CACUL1: variants seen among roughly 807,000 people sequenced by gnomAD.
CACUL1 encodes the protein CDK2 associated cullin domain 1, also known as CDK2-associated and cullin domain-containing protein 1.
Under a neutral mutation model 45.2 loss-of-function variants are expected in CACUL1, and 13 were observed. The ratio of observed to expected loss-of-function variants is 0.29; its 90% confidence interval spans 0.19 to 0.46. The LOEUF (loss-of-function observed/expected upper bound fraction) is 0.46. Among genes scored for constraint, CACUL1 ranks in the 20% least tolerant of loss-of-function variants. The pLI is 1.00. For synonymous variants in CACUL1, 197 were observed against 174.2 expected, an observed-to-expected ratio of 1.13 and a Z score of -1.03; for missense variants, 421 against 471.4, an observed-to-expected ratio of 0.89 and a Z score of 0.99.
At chr10:118,749,427 C>T (rs1394716155) in intron 1 of CACUL1, among the ~76,000 whole-genome samples, 1 of 152,118 alleles carries the variant, frequency 6.6e-6, no homozygotes, top group East Asian at 1.9e-4. Context: ...TGGGGTATTA[C>T]TTGATCTGTT....
rs757108683 is a variant in CACUL1, at chr10:118,754,608, G to A, written c.155C>T (p.Pro52Leu). 11 of 1,608,750 alleles carry A rather than the reference G, an allele frequency of 6.8e-6. No individual in the cohort carries two copies. The highest frequency in any genetic ancestry group is 4.4e-5 in the South Asian group (4 of 90,712). Residue 52 changes from proline to leucine, a missense_variant, in exon 1 of 9, where the codon CCT (proline) becomes CTT (leucine). Pro to Leu is a moderately conservative substitution (Grantham distance 98). This residue lies in a region of CACUL1 where 213 missense variants were observed against 173.1 expected (regional missense o/e 1.23). Transcript: ENST00000369151. ...PSSIPAPAREPPGGQLLAVPA... is the reference protein window; with the variant it reads ...PSSIPAPARELPGGQLLAVPA... ...CACCGCCAGCAGCTGCCCCCCCGGA[G>A]GCTCTCGGGCAGGGGCCGGGATCGA...
chr10:118,730,545 C>T lies in CACUL1; in HGVS notation c.368-135G>A, dbSNP rs529290900. ...ACTGACACTCTATCACCTAACTATC[C>T]TATTTCAATTAAAAACAAAAAAGGC... is the stretch of plus-strand genomic sequence containing the variant. On this transcript the variant is annotated intron_variant, in intron 1 of 8. Coordinates refer to ENST00000369151, the MANE Select transcript of CACUL1 (RefSeq NM_153810.5). 127 of 836,432 alleles carry T rather than the reference C, an allele frequency of 1.5e-4. 1 individual carries two copies. The African/African-American group carries it at 2.0e-3, about 13-fold the overall frequency. The allele number at this position is 836,432 out of a possible 1,614,324, so 51.8% of individuals were successfully genotyped here. A position where few individuals can be genotyped will look rare whatever the true frequency, so the allele number is the denominator to read the frequency against.
intron 3 of CACUL1, among the ~76,000 whole-genome samples, chr10:118,715,385 T>C (rs1296306932): frequency 6.6e-6 from 1 of 152,208 alleles, no homozygotes; most frequent in East Asian, 1.9e-4. Flanking sequence ...ATTTGATGTA[T>C]ATTAATAATT....
chr10:118,745,942 T>G (rs111519217), intron 1 of CACUL1, among the ~76,000 whole-genome samples: 38,825 of 146,942 alleles, frequency 0.26, 6,400 homozygotes, highest in South Asian at 0.38. Context: ...ATCGAGACCA[T>G]CCTGGCTAAT....
chr10:118,683,387 T>TAAAAAA lies in CACUL1; in HGVS notation c.*2740_*2741insTTTTTT, dbSNP rs1169204143. 1.6e-4 allele frequency: 2 copies of TAAAAAA among 12,764 alleles called. No individual in the cohort carries two copies. The highest frequency in any genetic ancestry group is 5.9e-4 in the African/African-American group (2 of 3,416). 0.8% of individuals were successfully genotyped at this position (12,764 alleles called of 1,614,324 possible). ...AAACCATATACTGTACTGGCAAGAA[T>TAAAAAA]ACAAAAAAAAAAAAAAAAAAGGCCA... On this transcript the variant is annotated 3_prime_UTR_variant, in exon 9 of 9. Coordinates refer to ENST00000369151, the MANE Select transcript of CACUL1 (RefSeq NM_153810.5).
At chr10:118,716,848 C>A (rs149151777) in intron 3 of CACUL1, among the ~76,000 whole-genome samples, 1 of 152,122 alleles carries the variant, frequency 6.6e-6, no homozygotes, top group East Asian at 1.9e-4. Context: ...ATGATCCACC[C>A]GCCTCGGCCT....
chr10:118,738,042 A>G (rs1170884202), intron 1 of CACUL1, among the ~76,000 whole-genome samples: 1 of 152,252 alleles, frequency 6.6e-6, no homozygotes, highest in Non-Finnish European at 1.5e-5. Flanking sequence ...CAAGATTTAA[A>G]TAAGTCAATC....
chr10:118,700,065 C>T (rs539649692), intron 5 of CACUL1, among the ~76,000 whole-genome samples: 1 of 152,000 alleles, frequency 6.6e-6, no homozygotes, highest in Non-Finnish European at 1.5e-5. Context: ...AAAACCCTGC[C>T]TTTCTAAACT....
intron 1 of CACUL1, among the ~76,000 whole-genome samples, chr10:118,733,745 C>A (rs914646289): frequency 6.6e-6 from 1 of 152,192 alleles, no homozygotes; most frequent in African/African-American, 2.4e-5. Context: ...GGCGCACTGG[C>A]TCATGCCTGT....
chr10:118,685,590 A>G lies in CACUL1; in HGVS notation c.*538T>C, dbSNP rs1845196358. 2.0e-5 allele frequency: 3 copies of G among 152,812 alleles called. No homozygotes were observed. The South Asian group carries it at 6.2e-4, about 32-fold the overall frequency. The allele number at this position is 152,812 out of a possible 1,614,324, so 9.5% of individuals were successfully genotyped here. ...AAGTTCTAGCAAAAGCAGAGTTAGC[A>G]TTTTCCTTTAACAAGACTTTCTAAT... On this transcript the variant is annotated 3_prime_UTR_variant, in exon 9 of 9. Coordinates refer to ENST00000369151, the MANE Select transcript of CACUL1 (RefSeq NM_153810.5).
At position 118,754,830 on chromosome 10, in the gene CACUL1, G is replaced by A. The variant is rs1845941891; in HGVS notation, c.-68C>T. The A allele has an allele frequency of 2.7e-6, 4 of 1,496,712 alleles. No homozygotes were observed. The highest frequency in any genetic ancestry group is 2.5e-5 in the East Asian group (1 of 40,134). The allele number at this position is 1,496,712 out of a possible 1,614,324, so 92.7% of individuals were successfully genotyped here. A position where few individuals can be genotyped will look rare whatever the true frequency, so the allele number is the denominator to read the frequency against. On this transcript the variant is annotated 5_prime_UTR_variant, in exon 1 of 9. Coordinates refer to ENST00000369151, the MANE Select transcript of CACUL1 (RefSeq NM_153810.5). ...GCCTGTCTCAACCCCGGGCCAGCGG[G>A]CACCGCTGCCTCCCCGAGTTACATC...
chr10:118,715,962 C>T (rs765495935), intron 3 of CACUL1, among the ~76,000 whole-genome samples: 4 of 152,120 alleles, frequency 2.6e-5, no homozygotes, highest in African/African-American at 9.7e-5. Context: ...ACCGGCTGGG[C>T]GCGGTGGCTC....
intron 4 of CACUL1, 125 bp from the exon 5 acceptor site, chr10:118,701,533 C>T: frequency 2.1e-6 from 1 of 479,828 alleles, no homozygotes; most frequent in Non-Finnish European, 3.7e-6. Context: ...AAAAACTCAA[C>T]ATCCAACAAC....
intron 3 of CACUL1, among the ~76,000 whole-genome samples, chr10:118,725,280 C>A (rs1405814923): frequency 1.3e-5 from 2 of 152,126 alleles, no homozygotes; most frequent in Non-Finnish European, 2.9e-5. Flanking sequence ...CCAGCCTGGG[C>A]AACATGGTAA....
chr10:118,712,356 G>A (rs1310988142), intron 3 of CACUL1, among the ~76,000 whole-genome samples: 1 of 152,254 alleles, frequency 6.6e-6, no homozygotes, highest in African/African-American at 2.4e-5. Context: ...GCCCCAAAGA[G>A]GGAGTCACAG....
chr10:118,734,839 T>G (rs144978786), intron 1 of CACUL1, among the ~76,000 whole-genome samples: 1,722 of 152,252 alleles, frequency 0.011, 18 homozygotes, highest in Middle Eastern at 0.027. Context: ...TAAGATAAAA[T>G]GAAACAAAGT....
intron 8 of CACUL1, 51 bp from the exon 9 acceptor site, chr10:118,686,219 T>C (rs1361297759): frequency 2.1e-6 from 3 of 1,424,116 alleles, no homozygotes; most frequent in Non-Finnish European, 3.0e-6. Context: ...CAGCATTTGA[T>C]AACAGCAGGA....
intron 3 of CACUL1, chr10:118,726,194 A>C (rs1337365382): frequency 3.4e-6 from 2 of 587,734 alleles, no homozygotes; most frequent in Non-Finnish European, 5.5e-6. Context: ...ATCTGTCCCC[A>C]TGAAAACTGC....
In CACUL1 at chr10:118,682,694, TTA is replaced by T. The variant is rs1293536629; in HGVS notation, c.*3432_*3433del. The T allele has an allele frequency of 6.6e-6, 1 of 152,658 alleles. No homozygotes were observed. Among genetic ancestry groups the T allele is most frequent in the Non-Finnish European group, 1.5e-5 (1 of 68,056 alleles). 9.5% of individuals were successfully genotyped at this position (152,658 alleles called of 1,614,324 possible). ...CTCATGCAAACTCTTCCTGAGGAATTTATGTGTGCAAATCTGCAACCCGACAG... is the reference window on the plus strand; with the variant it reads ...CTCATGCAAACTCTTCCTGAGGAATTTGTGTGCAAATCTGCAACCCGACAG... On this transcript the variant is annotated 3_prime_UTR_variant, in exon 9 of 9. Transcript: ENST00000369151.
Sources: gnomAD v4.1 joint callset for allele counts (sites outside exome capture counted in the v4.1 genomes callset) on GRCh38, gnomAD v4.1.1 for gene constraint, gnomAD v4.1.1 regional missense constraint, MANE v1.5 for transcripts, NCBI Gene and HGNC (gene_info 2026-07-23, HGNC 2026-07-21) for gene names.